The following SLC25A22 variants were observed in gnomAD, a reference collection of about 807,000 sequenced individuals.
The protein encoded by SLC25A22 is mitochondrial glutamate carrier 1.
In SLC25A22, 23 loss-of-function variants were observed where a neutral mutation model predicts 33.7. That is an observed-to-expected ratio of 0.68 (90% CI 0.49 to 0.97). The LOEUF (loss-of-function observed/expected upper bound fraction) is 0.97. Among genes scored for constraint, SLC25A22 ranks in the 50% least tolerant of loss-of-function variants. The pLI is 0.00. For synonymous variants in SLC25A22, 245 were observed against 203.8 expected (o/e 1.20, Z -1.72); for missense variants, 390 against 451.1 (o/e 0.86, Z 1.23).
chr11:795,260 C>CCA (rs1252069522), intron 1 of SLC25A22, 91 bp from the exon 2 acceptor site: 1 of 634,786 alleles, frequency 1.6e-6, no homozygotes, highest in African/African-American at 1.8e-5. Context: ...AGCCCCTCAC[C>CCA]CACCACCCCA....
chr11:794,992 C>T lies in SLC25A22; in HGVS notation c.15G>A (p.Gln5=), dbSNP rs370880055. Residue 5 remains glutamine, a synonymous_variant, in exon 2 of 10, where the codon CAG becomes CAA. Coordinates refer to ENST00000628067, the MANE Select transcript of SLC25A22 (RefSeq NM_001191061.2). ...AGCCAGGACTGGAGTCTGACCTGAT[C>T]TGCTTATCAGCCATTTAACTCGATT... MADK[Q]ISLPAKLING... The T allele has an allele frequency of 7.7e-6, 12 of 1,558,720 alleles. No individual in the cohort carries two copies. The African/African-American group carries it at 1.2e-4, about 16-fold the overall frequency.
intron 6 of SLC25A22, 58 bp from the exon 7 acceptor site, chr11:792,785 C>G (rs1253705374): frequency 2.6e-6 from 4 of 1,549,416 alleles, no homozygotes; most frequent in Non-Finnish European, 3.5e-6. Context: ...GGGACACGCT[C>G]TGGCCCTCCC....
rs755247411 is a variant in SLC25A22 at position 792,545 on chromosome 11, C to T, written c.587+8G>A. On this transcript the variant is annotated splice_region_variant and intron_variant, in intron 7 of 9. Coordinates refer to ENST00000628067, the MANE Select transcript of SLC25A22 (RefSeq NM_001191061.2). ...CTTCCCTCCCCCCACCTGCCCTGTGCCTCCTACCTGAGCAGCGTGGCCCCG... is the reference window on the plus strand; with the variant it reads ...CTTCCCTCCCCCCACCTGCCCTGTGTCTCCTACCTGAGCAGCGTGGCCCCG... 1 of 1,612,404 alleles carries T rather than the reference C, an allele frequency of 6.2e-7. No individual in the cohort carries two copies. The highest frequency in any genetic ancestry group is 1.1e-5 in the South Asian group (1 of 91,074).
rs773829232 is a variant in SLC25A22 at position 791,549 on chromosome 11, CTG to C, written c.*364_*365del. 1.3e-4 allele frequency: 45 copies of C among 342,304 alleles called. No homozygotes were observed. Among genetic ancestry groups the C allele is most frequent in the Non-Finnish European group, 2.2e-4 (40 of 182,596 alleles). 21.2% of individuals were successfully genotyped at this position (342,304 alleles called of 1,614,324 possible). On this transcript the variant is annotated 3_prime_UTR_variant, in exon 10 of 10. Transcript: ENST00000628067. ...GTGTGGGCCAGGATGGCTGTGGAGACTGGAGCTGGTGGACTGGGGGTATGGTC... is the reference window on the plus strand; with the variant it reads ...GTGTGGGCCAGGATGGCTGTGGAGACGAGCTGGTGGACTGGGGGTATGGTC...
chr11:796,205 C>G (rs1036504307), intron 1 of SLC25A22: 4 of 151,110 alleles, frequency 2.6e-5, no homozygotes, highest in African/African-American at 9.7e-5. Context: ...GGCACTCACT[C>G]TGGATGGCTC....
rs143796598 is a variant in SLC25A22 at position 791,705 on chromosome 11, A to G, written c.*210T>C. On this transcript the variant is annotated 3_prime_UTR_variant, in exon 10 of 10. Transcript: ENST00000628067. ...ATGTAAAGATTTCTGCATTTTCTAC[A>G]TAAATGAGACATTGATCCCAACGGT... 5.5e-5 allele frequency: 35 copies of G among 639,594 alleles called. No individual in the cohort carries two copies. Among genetic ancestry groups the G allele is most frequent in the African/African-American group, 4.2e-4 (23 of 54,712 alleles). The allele number at this position is 639,594 out of a possible 1,614,324, so 39.6% of individuals were successfully genotyped here.
chr11:792,207 C>T lies in SLC25A22; in HGVS notation c.753G>A (p.Thr251=), dbSNP rs752605716. 5.6e-6 allele frequency: 9 copies of T among 1,612,970 alleles called. No homozygotes were observed. The highest frequency in any genetic ancestry group is 7.6e-6 in the Non-Finnish European group (9 of 1,179,914). ...VAVNPCDVVK[T]RLQSLQRGVN... ...CGCCTCGCTGAAGTGACTGGAGCCG[C>T]GTCTTCACCACTGCAAGGGGCGCTC... Residue 251 remains threonine (T), a synonymous_variant, in exon 9 of 10, where the codon ACG becomes ACA. Coordinates refer to ENST00000628067, the MANE Select transcript of SLC25A22 (RefSeq NM_001191061.2).
chr11:797,432 C>T, intron 1 of SLC25A22: 1 of 396,258 alleles, frequency 2.5e-6, no homozygotes, highest in Non-Finnish European at 4.4e-6. Flanking sequence ...ACCCTGCAGC[C>T]CCAGCCGGGC....
rs909144779 is a variant in SLC25A22, at chr11:795,328, T to C, written c.-163-159A>G. ...GCAGCGGGAGGCACCTGCCACCCAG[T>C]CCCATGCTCACCCCTGGGACCACCT... is the stretch of plus-strand genomic sequence containing the variant. On this transcript the variant is annotated intron_variant, in intron 1 of 9. Coordinates refer to ENST00000628067, the MANE Select transcript of SLC25A22 (RefSeq NM_001191061.2). 9 of 480,886 alleles carry C rather than the reference T, an allele frequency of 1.9e-5. No homozygotes were observed. In the Admixed American group the frequency reaches 3.0e-4, roughly 16 times the overall value. The allele number at this position is 480,886 out of a possible 1,614,324, so 29.8% of individuals were successfully genotyped here. A position where few individuals can be genotyped will look rare whatever the true frequency, so the allele number is the denominator to read the frequency against.
chr11:793,498 C>T (rs751161232), intron 5 of SLC25A22, 31 bp downstream of exon 5: 2 of 1,607,078 alleles, frequency 1.2e-6, no homozygotes, highest in Non-Finnish European at 8.5e-7. Context: ...AGCCAAAGAC[C>T]CCTCGAGTGT....
rs772950759 is a variant in SLC25A22, at chr11:793,571, A to G, written c.251T>C (p.Leu84Pro). 1 of 1,612,408 alleles carries G rather than the reference A, an allele frequency of 6.2e-7. No homozygotes were observed. The change falls in exon 5 of 10, where the codon CTG becomes CCG. Residue 84 changes from leucine to proline, a missense_variant. Coordinates refer to ENST00000628067, the MANE Select transcript of SLC25A22 (RefSeq NM_001191061.2). ...ATGTCGGAAGAAGTCGTTGGCTGCC[A>G]GCTTGATGGCCTTCTCGGGGGTGAC... is the stretch of plus-strand genomic sequence containing the variant. ...TLVTPEKAIKLAANDFFRHQL... is the reference protein window; with the variant it reads ...TLVTPEKAIKPAANDFFRHQL...
rs1440472992 is a variant in SLC25A22 at position 791,662 on chromosome 11, CA to C, written c.*252del. On this transcript the variant is annotated 3_prime_UTR_variant, in exon 10 of 10. Coordinates refer to ENST00000628067, the MANE Select transcript of SLC25A22 (RefSeq NM_001191061.2). ...TGTTCAGGCCAGGGCAGGATTGGGG[CA>C]GGGGCTAGCTTGAGGAATGTAAAGA... 7.1e-6 allele frequency: 4 copies of C among 566,352 alleles called. No individual in the cohort carries two copies. The highest frequency in any genetic ancestry group is 1.2e-5 in the Non-Finnish European group (4 of 320,950). The allele number at this position is 566,352 out of a possible 1,614,324, so 35.1% of individuals were successfully genotyped here. A position where few individuals can be genotyped will look rare whatever the true frequency, so the allele number is the denominator to read the frequency against.
chr11:794,361 C>T, intron 4 of SLC25A22, 97 bp downstream of exon 4: 2 of 1,412,484 alleles, frequency 1.4e-6, no homozygotes, highest in East Asian at 2.5e-5. Flanking sequence ...CAGGCCCAGG[C>T]TGGCCGCCCT....
chr11:792,547 TCCTA>T lies in SLC25A22; in HGVS notation c.587+2_587+5del, dbSNP rs1186059456. The T allele has an allele frequency of 1.2e-6, 2 of 1,612,092 alleles. No homozygotes were observed. The highest frequency in any genetic ancestry group is 1.7e-6 in the Non-Finnish European group (2 of 1,179,704). On this transcript the variant is annotated splice_donor_variant and splice_donor_5th_base_variant and intron_variant, in intron 7 of 9. Coordinates refer to ENST00000628067, the MANE Select transcript of SLC25A22 (RefSeq NM_001191061.2). LOFTEE classifies it high-confidence loss of function. ...TCCCTCCCCCCACCTGCCCTGTGCC[TCCTA>T]CCTGAGCAGCGTGGCCCCGAGTCCC...
In SLC25A22 at chr11:795,060, G is replaced by GGGTGGAGGTGGA. The variant is rs145401722; in HGVS notation, c.-66_-55dup. On this transcript the variant is annotated 5_prime_UTR_variant, in exon 2 of 10. Transcript: ENST00000628067. ...GCAGAGGTGGACGCCAGGCCAGGCG[G>GGGTGGAGGTGGA]GGTGGAGGTGGAGGTGGAGGAGGCC... 6.5e-7 allele frequency: 1 copy of GGGTGGAGGTGGA among 1,549,768 alleles called. No individual in the cohort carries two copies. Among genetic ancestry groups the GGGTGGAGGTGGA allele is most frequent in the East Asian group, 2.4e-5 (1 of 41,054 alleles).
rs1247573795 is a variant in SLC25A22, at chr11:795,059, G to A, written c.-53C>T. 9.0e-6 allele frequency: 14 copies of A among 1,550,314 alleles called. No individual in the cohort carries two copies. Among genetic ancestry groups the A allele is most frequent in the Admixed American group, 2.0e-5 (1 of 51,040 alleles). Reference sequence around the variant, plus strand: ...CGCAGAGGTGGACGCCAGGCCAGGCGGGGTGGAGGTGGAGGTGGAGGAGGC... The same window carrying A: ...CGCAGAGGTGGACGCCAGGCCAGGCAGGGTGGAGGTGGAGGTGGAGGAGGC... On this transcript the variant is annotated 5_prime_UTR_variant, in exon 2 of 10. Transcript: ENST00000628067.
At chr11:794,425 G>A (rs1018891643) in intron 4 of SLC25A22, 33 bp downstream of exon 4, 13 of 1,608,062 alleles carry the variant, frequency 8.1e-6, no homozygotes, top group African/African-American at 8.0e-5. Flanking sequence ...ACCCAGGCCT[G>A]CCCATATCGA....
chr11:795,830 G>T (rs1368513254), intron 1 of SLC25A22: 3 of 155,524 alleles, frequency 1.9e-5, no homozygotes, highest in Non-Finnish European at 4.3e-5. Context: ...GGAAGCCTTG[G>T]GGGTGGGGGA....
chr11:798,160 C>T (rs1453557311), intron 1 of SLC25A22, 57 bp downstream of exon 1: 12 of 397,874 alleles, frequency 3.0e-5, no homozygotes, highest in African/African-American at 6.2e-5. Context: ...CTCGCCCCCG[C>T]AGCCCGGCCG....
Sources: gnomAD v4.1 joint callset for allele counts on GRCh38, gnomAD v4.1.1 for gene constraint, MANE v1.5 for transcripts, NCBI Gene and HGNC (gene_info 2026-07-23, HGNC 2026-07-21) for gene names.